Variants in ZBTB25 observed in about 807,000 individuals in gnomAD.
ZBTB25 encodes zinc finger and BTB domain-containing protein 25.
ZBTB25 carries 20 observed loss-of-function variants against 34.2 expected under a neutral mutation model. That is an observed-to-expected ratio of 0.58 (90% CI 0.41 to 0.85). ZBTB25 has a LOEUF of 0.85. Among genes scored for constraint, ZBTB25 ranks in the 40% least tolerant of loss-of-function variants. The pLI, the probability that ZBTB25 is intolerant of heterozygous loss-of-function variation, is 0.00. For synonymous variants in ZBTB25, 175 were observed against 186.4 expected, an observed-to-expected ratio of 0.94 and a Z score of 0.50; for missense variants, 437 against 521.8, an observed-to-expected ratio of 0.84 and a Z score of 1.58.
At position 64,479,560 on chromosome 14, in the gene ZBTB25, AAAG is replaced by A. The variant is rs1566592376; in HGVS notation, c.*7360_*7362del. The stretch of plus-strand genomic sequence containing the variant: ...CAAAATCTGAATCAGTAGACTGCGT[AAAG>A]AAGATCACCCTCCCTGATGTGGGTG... On this transcript the variant is annotated 3_prime_UTR_variant, in exon 3 of 3. Coordinates refer to ENST00000608382, the MANE Select transcript of ZBTB25 (RefSeq NM_006977.5). The A allele has an allele frequency of 6.6e-6, 1 of 152,264 alleles. No homozygotes were observed. 9.4% of individuals were successfully genotyped at this position (152,264 alleles called of 1,614,324 possible). A position where few individuals can be genotyped will look rare whatever the true frequency, so the allele number is the denominator to read the frequency against.
chr14:64,490,390 A>G lies in ZBTB25; in HGVS notation c.144T>C (p.Tyr48=), dbSNP rs1015065450. ...TTTGGTGAATAAATATCATCTTGAA[A>G]TAGTTAGAAAAAGCAGCAAGCACTG... The part of the protein sequence containing the change: ...HRAVLAAFSN[Y]FKMIFIHQTS... Residue 48 remains tyrosine, a synonymous_variant, in exon 2 of 3, where the codon TAT becomes TAC. Transcript: ENST00000608382. 1 of 1,606,762 alleles carries G rather than the reference A, an allele frequency of 6.2e-7. No homozygotes were observed. Among genetic ancestry groups the G allele is most frequent in the South Asian group, 1.1e-5 (1 of 89,956 alleles).
At chr14:64,501,451 T>C (rs1202608166) in intron 1 of ZBTB25, among the ~76,000 whole-genome samples, 1 of 152,236 alleles carries the variant, frequency 6.6e-6, no homozygotes, top group Non-Finnish European at 1.5e-5. Context: ...TTTTCTTAGC[T>C]TTCTCTTCTT....
rs139220969 is a variant in ZBTB25 at position 64,459,204 on chromosome 14, T to G, written c.174-9566A>C. ...CTCTTCCTAAGAAGTTATTTAGCAA[T>G]GTACTTAGCAAAATGAGGAATTAAC... is the stretch of plus-strand genomic sequence containing the variant. On this transcript the variant is annotated intron_variant, in intron 2 of 2. Transcript: ENST00000555220. 2.0e-5 allele frequency among the ~76,000 whole-genome samples: 3 copies of G among 152,240 alleles called. No homozygotes were observed. The East Asian group carries it at 5.8e-4, about 29-fold the overall frequency.
intron 2 of ZBTB25, chr14:64,471,301 C>T (rs1485139454): frequency 6.4e-6 from 1 of 156,752 alleles, no homozygotes; most frequent in Non-Finnish European, 1.5e-5. Flanking sequence ...TACAGGCGCC[C>T]ACTACAACGC....
intron 2 of ZBTB25, among the ~76,000 whole-genome samples, chr14:64,466,637 C>T (rs1256148): frequency 0.34 from 51,111 of 152,066 alleles, 12,014 homozygotes; most frequent in African/African-American, 0.67. Context: ...GTTAGAGGCA[C>T]ACAGTATGAA....
At chr14:64,465,308 G>A (rs980704542) in intron 2 of ZBTB25, among the ~76,000 whole-genome samples, 3 of 151,844 alleles carry the variant, frequency 2.0e-5, no homozygotes, top group Non-Finnish European at 4.4e-5. Context: ...ATTGGCGCCC[G>A]GGCGGAGCAC....
At chr14:64,505,211 T>C, upstream of ZBTB25, 1 of 298,290 alleles carries the variant, frequency 3.4e-6, no homozygotes, top group Non-Finnish European at 6.1e-6. Flanking sequence ...AGTTACCTTC[T>C]TTTCTTTCTT....
intron 2 of ZBTB25, chr14:64,458,082 G>C (rs1261184326): frequency 3.9e-6 from 3 of 768,972 alleles, no homozygotes; most frequent in South Asian, 2.7e-5. Context: ...TAGAGATGGG[G>C]GTCTCACTAT....
intron 2 of ZBTB25, among the ~76,000 whole-genome samples, chr14:64,456,574 T>A (rs2078477223): frequency 6.6e-6 from 1 of 152,200 alleles, no homozygotes; most frequent in African/African-American, 2.4e-5. Context: ...TAGGGTTTTC[T>A]GCTGACATGC....
At chr14:64,461,141 C>T (rs905117045) in intron 2 of ZBTB25, 5 of 152,172 alleles carry the variant, frequency 3.3e-5, no homozygotes, top group Non-Finnish European at 5.9e-5. Flanking sequence ...CTGGATCCTT[C>T]CAGAGGATGC....
At chr14:64,449,683 G>C in intron 2 of ZBTB25, 1 of 1,576,010 alleles carries the variant, frequency 6.3e-7, no homozygotes, top group Non-Finnish European at 8.6e-7. Flanking sequence ...TGAAGTTTCT[G>C]TGTGGCTACT....
chr14:64,471,589 TCTTTC>T (rs1041320779), intron 2 of ZBTB25: 1 of 167,148 alleles, frequency 6.0e-6, no homozygotes, highest in African/African-American at 2.4e-5. Flanking sequence ...CCTATTTCAA[TCTTTC>T]CTTGTGTGAA....
chr14:64,479,547 C>T lies in ZBTB25; in HGVS notation c.*7376G>A, dbSNP rs145570077. On this transcript the variant is annotated 3_prime_UTR_variant, in exon 3 of 3. Transcript: ENST00000608382. ...TTCTGGAGGGAGACAAAATCTGAAT[C>T]AGTAGACTGCGTAAAGAAGATCACC... 4.6e-4 allele frequency: 70 copies of T among 152,378 alleles called. No individual in the cohort carries two copies. Among genetic ancestry groups the T allele is most frequent in the African/African-American group, 1.5e-3 (64 of 41,562 alleles). 9.4% of individuals were successfully genotyped at this position (152,378 alleles called of 1,614,324 possible).
chr14:64,488,389 C>T (rs1163921229), intron 2 of ZBTB25, among the ~76,000 whole-genome samples: 9 of 151,794 alleles, frequency 5.9e-5, no homozygotes, highest in Admixed American at 5.9e-4. Flanking sequence ...TAGGTACCTG[C>T]TCTTAAGGAA....
intron 2 of ZBTB25, among the ~76,000 whole-genome samples, chr14:64,452,965 C>T (rs1406745782): frequency 1.3e-5 from 2 of 151,968 alleles, no homozygotes. Context: ...AAGTGATCCT[C>T]CTGCCTTGGC....
rs2078855194 is a variant in ZBTB25 at position 64,486,078 on chromosome 14, T to C, written c.*845A>G. ...ACTTTGGGAGGCCAAGGCGGGCAGA[T>C]GACGAGGTCAGGAGATCGAGACCAT... is the stretch of plus-strand genomic sequence containing the variant. On this transcript the variant is annotated 3_prime_UTR_variant, in exon 3 of 3. Coordinates refer to ENST00000608382, the MANE Select transcript of ZBTB25 (RefSeq NM_006977.5). The C allele has an allele frequency of 3.3e-6, 3 of 913,770 alleles. No individual in the cohort carries two copies. The highest frequency in any genetic ancestry group is 3.9e-6 in the Non-Finnish European group (3 of 765,062). 56.6% of individuals were successfully genotyped at this position (913,770 alleles called of 1,614,324 possible). A position where few individuals can be genotyped will look rare whatever the true frequency, so the allele number is the denominator to read the frequency against.
intron 1 of ZBTB25, among the ~76,000 whole-genome samples, chr14:64,498,788 C>T (rs2079380256): frequency 6.6e-6 from 1 of 152,070 alleles, no homozygotes; most frequent in African/African-American, 2.4e-5. Context: ...CGCCCACCAC[C>T]ACACCCAGCT....
intron 2 of ZBTB25, among the ~76,000 whole-genome samples, chr14:64,455,736 T>G (rs1244247117): frequency 1.3e-5 from 2 of 152,210 alleles, no homozygotes; most frequent in East Asian, 3.8e-4. Flanking sequence ...ATTATAGAGT[T>G]GAAAACGTAG....
chr14:64,486,773 G>A lies in ZBTB25; in HGVS notation c.*150C>T. 1 of 1,358,684 alleles carries A rather than the reference G, an allele frequency of 7.4e-7. No individual in the cohort carries two copies. Among genetic ancestry groups the A allele is most frequent in the Non-Finnish European group, 9.5e-7 (1 of 1,057,604 alleles). 84.2% of individuals were successfully genotyped at this position (1,358,684 alleles called of 1,614,324 possible). A position where few individuals can be genotyped will look rare whatever the true frequency, so the allele number is the denominator to read the frequency against. On this transcript the variant is annotated 3_prime_UTR_variant, in exon 3 of 3. Coordinates refer to ENST00000608382, the MANE Select transcript of ZBTB25 (RefSeq NM_006977.5). Reference sequence around the variant, plus strand: ...AGCCACATATTAATATGTCTTATGAGAAGATCTAATATATACAACCTTAAA... The same window carrying A: ...AGCCACATATTAATATGTCTTATGAAAAGATCTAATATATACAACCTTAAA...
Sources: gnomAD v4.1 joint callset for allele counts (sites outside exome capture counted in the v4.1 genomes callset) on GRCh38, gnomAD v4.1.1 for gene constraint, MANE v1.5 for transcripts, NCBI Gene and HGNC (gene_info 2026-07-23, HGNC 2026-07-21) for gene names.